AUTS2: variants seen among roughly 807,000 people sequenced by gnomAD.
AUTS2 encodes the protein activator of transcription and developmental regulator AUTS2.
A neutral mutation model predicts 112.4 loss-of-function variants in AUTS2; 17 were observed. That is an observed-to-expected ratio of 0.15 (90% confidence interval 0.10 to 0.23). The LOEUF is 0.23. AUTS2 is among the 10% of genes least tolerant of loss of function. AUTS2 has a pLI of 1.00. For missense variants in AUTS2, 1,510 were observed against 1,701.6 expected, an observed-to-expected ratio of 0.89 and a Z score of 1.98; for synonymous variants, 751 against 702.7, an observed-to-expected ratio of 1.07 and a Z score of -1.09.
chr7:70,464,017 C>A (rs1797076024), intron 5 of AUTS2, among the ~76,000 whole-genome samples: 1 of 152,152 alleles, frequency 6.6e-6, no homozygotes, highest in Non-Finnish European at 1.5e-5. Flanking sequence ...TGTAAGCATG[C>A]CACCAGCCTC....
chr7:69,807,940 C>CTTTTT (rs34491458), intron 1 of AUTS2, among the ~76,000 whole-genome samples: 5 of 120,446 alleles, frequency 4.2e-5, no homozygotes, highest in Non-Finnish European at 6.9e-5. Context: ...TAGGCCCAAG[C>CTTTTT]TTTTTTTTTT....
chr7:70,164,879 A>T (rs187552263), intron 4 of AUTS2, among the ~76,000 whole-genome samples: 3 of 152,268 alleles, frequency 2.0e-5, no homozygotes, highest in African/African-American at 4.8e-5. Flanking sequence ...ACTGTTCAAG[A>T]TGTAAAATAG....
chr7:70,551,869 A>G (rs1407923526), intron 5 of AUTS2, among the ~76,000 whole-genome samples: 1 of 152,226 alleles, frequency 6.6e-6, no homozygotes, highest in East Asian at 1.9e-4. Context: ...TCTTAAAAAG[A>G]AAGCCTATTT....
At chr7:69,857,675 C>T (rs1220284275) in intron 1 of AUTS2, among the ~76,000 whole-genome samples, 2 of 152,138 alleles carry the variant, frequency 1.3e-5, no homozygotes, top group Middle Eastern at 3.4e-3. Context: ...GAATTAAATT[C>T]GTACTTTTGG....
At chr7:70,093,599 G>A (rs1170854684) in intron 2 of AUTS2, among the ~76,000 whole-genome samples, 2 of 152,176 alleles carry the variant, frequency 1.3e-5, no homozygotes, top group Non-Finnish European at 2.9e-5. Flanking sequence ...GGAGAGAAAG[G>A]AGATTATGAG....
rs79523639 is a variant in AUTS2 at position 69,757,515 on chromosome 7, T to G, written c.310-141771T>G. Among the ~76,000 whole-genome samples the G allele has an allele frequency of 4.1e-3, 624 of 152,318 alleles. 6 individuals carry two copies. The highest frequency in any genetic ancestry group is 0.014 in the African/African-American group (581 of 41,578). ...TCTCCTTTCTTGAAATTAGATCAGA[T>G]TCCTTTGATTTATTTGGAGAGAAAA... On this transcript the variant is annotated intron_variant, in intron 1 of 18. Transcript: ENST00000342771.
At chr7:70,123,156 G>A (rs954297651) in intron 3 of AUTS2, among the ~76,000 whole-genome samples, 9 of 152,102 alleles carry the variant, frequency 5.9e-5, no homozygotes, top group East Asian at 1.9e-4. Context: ...GATTACAGGC[G>A]TGAGCCACCA....
chr7:69,718,388 C>G (rs958508533), intron 1 of AUTS2, among the ~76,000 whole-genome samples: 1 of 152,134 alleles, frequency 6.6e-6, no homozygotes, highest in African/African-American at 2.4e-5. Context: ...GGGCTGTGTT[C>G]CTCGTGGAGG....
chr7:70,570,315 C>G (rs2129525229), intron 5 of AUTS2, among the ~76,000 whole-genome samples: 1 of 152,310 alleles, frequency 6.6e-6, no homozygotes, highest in Non-Finnish European at 1.5e-5. Flanking sequence ...CCTTCCTTCC[C>G]CCAGCATCTT....
intron 1 of AUTS2, among the ~76,000 whole-genome samples, chr7:69,812,208 G>T (rs976528423): frequency 4.6e-5 from 7 of 152,034 alleles, no homozygotes; most frequent in African/African-American, 1.7e-4. Flanking sequence ...GTGTTTGGGA[G>T]ATAAAAACCA....
intron 5 of AUTS2, among the ~76,000 whole-genome samples, chr7:70,555,264 A>G (rs1449777732): frequency 6.6e-6 from 1 of 152,248 alleles, no homozygotes. Context: ...AGTTTATTAG[A>G]GCAGGATTTC....
intron 4 of AUTS2, among the ~76,000 whole-genome samples, chr7:70,367,624 C>T (rs927982447): frequency 3.3e-5 from 5 of 151,312 alleles, no homozygotes; most frequent in East Asian, 3.9e-4. Context: ...TGATGAAGAA[C>T]GTAGTTTTGG....
intron 1 of AUTS2, among the ~76,000 whole-genome samples, chr7:69,885,346 C>G (rs994436615): frequency 6.6e-6 from 1 of 152,016 alleles, no homozygotes; most frequent in African/African-American, 2.4e-5. Context: ...TTAAATAAAT[C>G]GGTGAAGGTT....
intron 5 of AUTS2, among the ~76,000 whole-genome samples, chr7:70,587,492 G>T (rs1461481269): frequency 6.6e-6 from 1 of 152,182 alleles, no homozygotes; most frequent in East Asian, 1.9e-4. Context: ...ATGGTCCTTG[G>T]CAACTAGGTG....
intron 5 of AUTS2, among the ~76,000 whole-genome samples, chr7:70,508,906 A>T (rs1799076093): frequency 6.6e-6 from 1 of 152,238 alleles, no homozygotes; most frequent in South Asian, 2.1e-4. Flanking sequence ...TTTGAGTCTT[A>T]TTCAGAACTG....
intron 4 of AUTS2, among the ~76,000 whole-genome samples, chr7:70,298,872 A>G (rs1166330388): frequency 6.6e-6 from 1 of 152,196 alleles, no homozygotes; most frequent in African/African-American, 2.4e-5. Context: ...CAATTAACCA[A>G]AAGCCAGACA....
intron 2 of AUTS2, among the ~76,000 whole-genome samples, chr7:69,973,840 A>G (rs747369395): frequency 5.3e-5 from 8 of 152,034 alleles, no homozygotes; most frequent in Admixed American, 2.0e-4. Context: ...ATTTACTTAT[A>G]TTTTGTTAAG....
At chr7:69,857,978 A>C (rs777841633) in intron 1 of AUTS2, among the ~76,000 whole-genome samples, 1 of 152,182 alleles carries the variant, frequency 6.6e-6, no homozygotes, top group Non-Finnish European at 1.5e-5. Flanking sequence ...CCTTATGGGC[A>C]GTCTGATGGC....
intron 1 of AUTS2, among the ~76,000 whole-genome samples, chr7:69,620,593 G>A (rs925687676): frequency 1.3e-5 from 2 of 152,222 alleles, no homozygotes; most frequent in African/African-American, 4.8e-5. Flanking sequence ...TATTGTTGTC[G>A]ACTACAGAAA....
Sources: gnomAD v4.1 joint callset for allele counts (sites outside exome capture counted in the v4.1 genomes callset) on GRCh38, gnomAD v4.1.1 for gene constraint, MANE v1.5 for transcripts, NCBI Gene and HGNC (gene_info 2026-07-23, HGNC 2026-07-21) for gene names.